The following IL1RAP variants were observed in gnomAD, a reference collection of about 807,000 sequenced individuals.
IL1RAP encodes interleukin 1 receptor accessory protein, also known as interleukin-1 receptor accessory protein.
IL1RAP carries 35 observed loss-of-function variants against 60.7 expected under a neutral mutation model. The observed-to-expected ratio is 0.58, with a 90% CI of 0.44 to 0.76. The LOEUF (loss-of-function observed/expected upper bound fraction) is 0.76, where lower values mean the gene tolerates loss of function less well. Among genes scored for constraint, IL1RAP ranks in the 30% least tolerant of loss-of-function variants. The pLI is 0.00. For missense variants in IL1RAP, 572 were observed against 693.9 expected (o/e 0.82, Z 1.97); for synonymous variants, 268 against 250.9 (o/e 1.07, Z -0.64).
At chr3:190,646,937 ATACT>A (rs1303769484) in intron 11 of IL1RAP, among the ~76,000 whole-genome samples, 1 of 152,162 alleles carries the variant, frequency 6.6e-6, no homozygotes, top group Non-Finnish European at 1.5e-5. Context: ...ACTCATTTTA[ATACT>A]TAATTTCCCC....
chr3:190,611,684 G>T (rs1730837816), intron 5 of IL1RAP, among the ~76,000 whole-genome samples: 1 of 152,156 alleles, frequency 6.6e-6, no homozygotes, highest in Non-Finnish European at 1.5e-5. Context: ...GGAGGGACTG[G>T]CAAAGTTCCT....
At chr3:190,585,135 A>T (rs1172729043) in intron 3 of IL1RAP, among the ~76,000 whole-genome samples, 1 of 152,196 alleles carries the variant, frequency 6.6e-6, no homozygotes, top group Non-Finnish European at 1.5e-5. Flanking sequence ...ACTGTGGATG[A>T]TTACATCCTA....
chr3:190,627,259 GTTT>G, intron 7 of IL1RAP, 61 bp from the exon 8 acceptor site: 3 of 28,328 alleles, frequency 1.1e-4, no homozygotes, highest in Non-Finnish European at 1.2e-4. Flanking sequence ...TTTGTTTTTT[GTTT>G]TGTTTTGTTT....
chr3:190,601,793 T>C (rs545009605), intron 3 of IL1RAP, among the ~76,000 whole-genome samples: 28 of 152,252 alleles, frequency 1.8e-4, no homozygotes, highest in African/African-American at 6.5e-4. Flanking sequence ...GAAAGCCAGA[T>C]AGCCATACTT....
intron 3 of IL1RAP, among the ~76,000 whole-genome samples, chr3:190,593,590 A>T (rs1426013932): frequency 6.6e-6 from 1 of 152,138 alleles, no homozygotes; most frequent in Non-Finnish European, 1.5e-5. Flanking sequence ...AATGAGGAGC[A>T]AAGTCACGTC....
intron 9 of IL1RAP, among the ~76,000 whole-genome samples, chr3:190,640,696 A>G (rs1301222765): frequency 6.6e-6 from 1 of 152,180 alleles, no homozygotes; most frequent in African/African-American, 2.4e-5. Context: ...TTTCCTAGAG[A>G]AACGTGATTG....
intron 1 of IL1RAP, among the ~76,000 whole-genome samples, chr3:190,539,424 A>G (rs1219732534): frequency 1.3e-5 from 2 of 152,106 alleles, no homozygotes; most frequent in Non-Finnish European, 2.9e-5. Context: ...TGTGATACAG[A>G]TTGTAACAGA....
intron 1 of IL1RAP, chr3:190,518,065 G>C (rs1402310855): frequency 6.7e-6 from 1 of 149,404 alleles, no homozygotes; most frequent in Admixed American, 6.7e-5. Flanking sequence ...ATTCAGGTTA[G>C]CCATTCATTT....
At chr3:190,599,538 T>C (rs1729672958) in intron 3 of IL1RAP, among the ~76,000 whole-genome samples, 1 of 151,880 alleles carries the variant, frequency 6.6e-6, no homozygotes, top group Admixed American at 6.5e-5. Flanking sequence ...TGCAGAATCC[T>C]CTCTTTCTCT....
intron 9 of IL1RAP, among the ~76,000 whole-genome samples, chr3:190,637,821 T>G (rs1254048928): frequency 6.6e-6 from 1 of 151,566 alleles, no homozygotes; most frequent in African/African-American, 2.4e-5. Flanking sequence ...TTTTATTTCC[T>G]TTTTTAGAAT....
At chr3:190,577,042 A>G (rs889005228) in intron 3 of IL1RAP, among the ~76,000 whole-genome samples, 1 of 141,972 alleles carries the variant, frequency 7.0e-6, no homozygotes. Context: ...CGGAGCTTGC[A>G]GGGAGCCGAG....
intron 5 of IL1RAP, among the ~76,000 whole-genome samples, chr3:190,619,798 G>C (rs4687159): frequency 0.67 from 102,144 of 151,906 alleles, 35,016 homozygotes; most frequent in East Asian, 0.81. Context: ...GAAACAACAG[G>C]GTGATTAAAA....
chr3:190,630,213 T>G (rs1282177364), intron 9 of IL1RAP: 12 of 776,050 alleles, frequency 1.5e-5, no homozygotes, highest in Non-Finnish European at 1.6e-5. Context: ...ATGATTTCTA[T>G]GTTGATAGTA....
chr3:190,605,824 C>T (rs566595320), intron 4 of IL1RAP, among the ~76,000 whole-genome samples: 1 of 152,178 alleles, frequency 6.6e-6, no homozygotes, highest in East Asian at 1.9e-4. Context: ...TCAGTTATGT[C>T]TTTAAATGTT....
At chr3:190,516,955 A>G (rs540809567) in intron 1 of IL1RAP, among the ~76,000 whole-genome samples, 2 of 152,348 alleles carry the variant, frequency 1.3e-5, no homozygotes, top group African/African-American at 4.8e-5. Flanking sequence ...TTTCATGTCT[A>G]GTTTAGGGCA....
At chr3:190,575,139 G>A (rs2108658674) in intron 3 of IL1RAP, among the ~76,000 whole-genome samples, 1 of 152,240 alleles carries the variant, frequency 6.6e-6, no homozygotes, top group South Asian at 2.1e-4. Context: ...TCCACATTTA[G>A]GGAGGTTGGT....
In IL1RAP at chr3:190,576,573, T is replaced by G. The variant is rs117605671; in HGVS notation, c.64+12220T>G. On this transcript the variant is annotated intron_variant, in intron 3 of 11. Coordinates refer to ENST00000447382, the MANE Select transcript of IL1RAP (RefSeq NM_002182.4). ...TTTTCACTCATCAGTCTGGCAGAGATTAAAGAACAATCCAGCCTAGCATTG... is the reference window on the plus strand; with the variant it reads ...TTTTCACTCATCAGTCTGGCAGAGAGTAAAGAACAATCCAGCCTAGCATTG... 2.9e-3 allele frequency among the ~76,000 whole-genome samples: 438 copies of G among 152,096 alleles called. 10 individuals carry two copies. The highest frequency in any genetic ancestry group is 0.025 in the East Asian group (129 of 5,164).
intron 5 of IL1RAP, chr3:190,615,161 T>C: frequency 3.1e-6 from 1 of 325,132 alleles, no homozygotes. Context: ...GTTAAACTGA[T>C]GTTCAGCAAA....
intron 7 of IL1RAP, 100 bp from the exon 8 acceptor site, chr3:190,627,223 A>G (rs1732368110): frequency 3.0e-6 from 3 of 1,005,734 alleles, no homozygotes; most frequent in Middle Eastern, 3.1e-4. Context: ...CATGTGAAGG[A>G]TAAACACTAA....
Sources: gnomAD v4.1 joint callset for allele counts (sites outside exome capture counted in the v4.1 genomes callset) on GRCh38, gnomAD v4.1.1 for gene constraint, MANE v1.5 for transcripts, NCBI Gene and HGNC (gene_info 2026-07-23, HGNC 2026-07-21) for gene names.